The following EFNA5 variants were observed in gnomAD, a reference collection of about 807,000 sequenced individuals.
EFNA5 encodes ephrin A5.
EFNA5 carries 5 observed loss-of-function variants against 22.9 expected under a neutral mutation model. That is an observed-to-expected ratio of 0.22 (90% CI 0.11 to 0.46). The LOEUF is 0.46. Among genes scored for constraint, EFNA5 ranks in the 20% least tolerant of loss-of-function variants. EFNA5 has a pLI of 0.99. For synonymous variants in EFNA5, 113 were observed against 112.2 expected (o/e 1.01, Z -0.04); for missense variants, 237 against 293.3 (o/e 0.81, Z 1.40).
intron 4 of EFNA5, among the ~76,000 whole-genome samples, chr5:107,386,733 T>A (rs188796306): frequency 8.6e-4 from 131 of 152,292 alleles, no homozygotes; most frequent in Admixed American, 2.1e-3. Context: ...AAAATAAAGT[T>A]CCTTAGGTCA....
chr5:107,494,568 G>T (rs1453159308), intron 1 of EFNA5, among the ~76,000 whole-genome samples: 2 of 152,250 alleles, frequency 1.3e-5, no homozygotes, highest in South Asian at 4.1e-4. Flanking sequence ...CCACCCAAGG[G>T]CTGAGGAGTG....
Position 107,470,443 on chromosome 5 carries a change from T to C in EFNA5, c.126-42934A>G, listed in dbSNP as rs531460243. ...TCCAATTATCATATGCATGGCAGCA[T>C]TGAGACTTGACCAGAGAGAATGGTA... On this transcript the variant is annotated intron_variant, in intron 1 of 4. Coordinates refer to ENST00000333274, the MANE Select transcript of EFNA5 (RefSeq NM_001962.3). Among the ~76,000 whole-genome samples the C allele has an allele frequency of 2.6e-5, 4 of 152,328 alleles. No individual in the cohort carries two copies. The South Asian group carries it at 8.3e-4, about 32-fold the overall frequency.
At chr5:107,384,845 C>T (rs1173274397) in intron 4 of EFNA5, among the ~76,000 whole-genome samples, 2 of 146,544 alleles carry the variant, frequency 1.4e-5, no homozygotes, top group Non-Finnish European at 3.0e-5. Flanking sequence ...AACTCTTAGC[C>T]TCAAGCAATC....
intron 1 of EFNA5, among the ~76,000 whole-genome samples, chr5:107,521,456 C>CTATATATATATATA (rs56039409): frequency 8.0e-5 from 10 of 124,412 alleles, no homozygotes; most frequent in African/African-American, 3.2e-4. Flanking sequence ...CCACACCTGG[C>CTATATATATATATA]TATATATATA....
At chr5:107,463,533 T>C (rs973614909) in intron 1 of EFNA5, among the ~76,000 whole-genome samples, 2 of 152,196 alleles carry the variant, frequency 1.3e-5, no homozygotes, top group East Asian at 1.9e-4. Context: ...TATTTGTGTA[T>C]GTGTATATGT....
At chr5:107,527,881 G>A (rs62355612) in intron 1 of EFNA5, among the ~76,000 whole-genome samples, 8,645 of 152,096 alleles carry the variant, frequency 0.057, 293 homozygotes, top group Middle Eastern at 0.075. Flanking sequence ...CTCTGACTCC[G>A]GGGCCTTCTC....
chr5:107,431,373 G>A (rs1748953001), intron 1 of EFNA5, among the ~76,000 whole-genome samples: 1 of 152,142 alleles, frequency 6.6e-6, no homozygotes, highest in African/African-American at 2.4e-5. Context: ...TGTTCTCTGG[G>A]TATAAAGTAG....
chr5:107,563,127 T>A (rs374325071), intron 1 of EFNA5, among the ~76,000 whole-genome samples: 1 of 152,194 alleles, frequency 6.6e-6, no homozygotes, highest in Non-Finnish European at 1.5e-5. Context: ...ACTCATTAAA[T>A]AACTCCTTTG....
At chr5:107,592,978 A>G (rs1026722598) in intron 1 of EFNA5, among the ~76,000 whole-genome samples, 17 of 152,206 alleles carry the variant, frequency 1.1e-4, no homozygotes, top group Non-Finnish European at 2.4e-4. Context: ...AAATCTGTCA[A>G]ATTTAATGTT....
intron 1 of EFNA5, among the ~76,000 whole-genome samples, chr5:107,526,140 C>A (rs997355140): frequency 6.6e-6 from 1 of 152,070 alleles, no homozygotes; most frequent in African/African-American, 2.4e-5. Flanking sequence ...TTTGTTTATC[C>A]AAGGAGATAA....
intron 2 of EFNA5, among the ~76,000 whole-genome samples, chr5:107,406,715 C>A (rs1472461241): frequency 6.6e-6 from 1 of 152,174 alleles, no homozygotes; most frequent in Non-Finnish European, 1.5e-5. Context: ...AATCCCCTCC[C>A]AGCCTCCTGT....
Position 107,592,004 on chromosome 5 carries a change from ATAATATATATAATATAATATAT to A in EFNA5, c.125+78463_125+78484del, listed in dbSNP as rs1379988472. 3.3e-3 allele frequency among the ~76,000 whole-genome samples: 150 copies of A among 45,956 alleles called. 35 individuals are homozygous for A. The highest frequency in any genetic ancestry group is 0.019 in the African/African-American group (143 of 7,714). The allele number at this position is 45,956 out of a possible 152,430, so 30.1% of individuals were successfully genotyped here. A position where few individuals can be genotyped will look rare whatever the true frequency, so the allele number is the denominator to read the frequency against. ...ATATAATATATAATATATATAATAT[ATAATATATATAATATAATATAT>A]ATTATATATTATATATATTATACAT... On this transcript the variant is annotated intron_variant, in intron 1 of 4. Transcript: ENST00000333274.
At chr5:107,613,466 C>T (rs1307859747) in intron 1 of EFNA5, among the ~76,000 whole-genome samples, 8 of 152,142 alleles carry the variant, frequency 5.3e-5, no homozygotes. Context: ...AAAACTGATG[C>T]TTGGATGGCA....
chr5:107,650,772 A>AC (rs1253004099), intron 1 of EFNA5, among the ~76,000 whole-genome samples: 2 of 152,148 alleles, frequency 1.3e-5, no homozygotes, highest in African/African-American at 4.8e-5. Context: ...ATAGCTCTAT[A>AC]CCTTTGCCAG....
chr5:107,646,467 A>G (rs545874500), intron 1 of EFNA5, among the ~76,000 whole-genome samples: 84 of 152,308 alleles, frequency 5.5e-4, no homozygotes, highest in Middle Eastern at 6.8e-3. Context: ...ACTGTAAACA[A>G]AAAGAAACCA....
At chr5:107,465,127 C>G (rs1055513033) in intron 1 of EFNA5, among the ~76,000 whole-genome samples, 1 of 151,762 alleles carries the variant, frequency 6.6e-6, no homozygotes, top group African/African-American at 2.4e-5. Flanking sequence ...TTTCCTTAGG[C>G]CAATGGTTAC....
intron 1 of EFNA5, among the ~76,000 whole-genome samples, chr5:107,515,528 G>C (rs375143633): frequency 3.3e-5 from 5 of 151,736 alleles, no homozygotes; most frequent in Admixed American, 3.3e-4. Flanking sequence ...ACAGGCATGC[G>C]CCACCACACC....
At chr5:107,522,817 A>G (rs951060643) in intron 1 of EFNA5, among the ~76,000 whole-genome samples, 1 of 152,032 alleles carries the variant, frequency 6.6e-6, no homozygotes, top group African/African-American at 2.4e-5. Context: ...GGTTTTTATG[A>G]ACTATATTTT....
At chr5:107,474,903 C>G (rs1303085271) in intron 1 of EFNA5, among the ~76,000 whole-genome samples, 1 of 152,142 alleles carries the variant, frequency 6.6e-6, no homozygotes, top group Non-Finnish European at 1.5e-5. Context: ...AGGTTCCTAC[C>G]ATTCAAGGCC....
Sources: allele counts gnomAD v4.1 joint callset (sites outside exome capture counted in the v4.1 genomes callset), GRCh38; gene constraint gnomAD v4.1.1; transcripts MANE v1.5; gene names NCBI Gene and HGNC (gene_info 2026-07-23, HGNC 2026-07-21).